The following TTC6 variants were observed in gnomAD, a reference collection of about 807,000 sequenced individuals.
The protein encoded by TTC6 is tetratricopeptide repeat protein 6.
TTC6 carries 172 observed loss-of-function variants against 210.4 expected under a neutral mutation model. The ratio of observed to expected loss-of-function variants is 0.82; its 90% CI spans 0.72 to 0.93. The LOEUF (loss-of-function observed/expected upper bound fraction) is 0.93, where lower values mean the gene tolerates loss of function less well. Among genes scored for constraint, TTC6 ranks in the 40% least tolerant of loss-of-function variants. TTC6 has a pLI of 0.00. For synonymous variants in TTC6, 804 were observed against 819.6 expected (o/e 0.98, Z 0.32); for missense variants, 2,414 against 2,318.1 (o/e 1.04, Z -0.85).
chr14:37,735,970 G>A (rs2095900466), exon 8 of TTC6: 1 of 1,534,418 alleles, frequency 6.5e-7, no homozygotes, highest in Admixed American at 2.0e-5. Context: ...TATAAAAGCA[G>A]TGTCATTACT....
intron 24 of TTC6, among the ~76,000 whole-genome samples, chr14:37,811,026 G>T (rs538271520): frequency 1.3e-5 from 2 of 152,184 alleles, no homozygotes; most frequent in South Asian, 4.1e-4. Context: ...AAATCAAGGG[G>T]CTAGTAATGA....
upstream of TTC6, among the ~76,000 whole-genome samples, chr14:37,617,381 T>C (rs933376865): frequency 2.6e-5 from 4 of 152,190 alleles, no homozygotes; most frequent in Non-Finnish European, 4.4e-5. Flanking sequence ...GGCTGAGCTT[T>C]TATAGTTATT....
At chr14:37,712,753 C>T (rs775888482) in intron 5 of TTC6, among the ~76,000 whole-genome samples, 19 of 152,150 alleles carry the variant, frequency 1.2e-4, no homozygotes, top group South Asian at 8.3e-4. Flanking sequence ...TAACCACTCC[C>T]GTAATTCAAT....
At chr14:37,682,507 C>T (rs540311544) in intron 2 of TTC6, among the ~76,000 whole-genome samples, 1 of 152,198 alleles carries the variant, frequency 6.6e-6, no homozygotes, top group East Asian at 1.9e-4. Flanking sequence ...CCATCTTTTA[C>T]CCTTAACAAC....
chr14:37,755,141 G>T (rs2095963705), intron 14 of TTC6, among the ~76,000 whole-genome samples: 2 of 151,500 alleles, frequency 1.3e-5, no homozygotes, highest in African/African-American at 4.8e-5. Context: ...GATTTGCATT[G>T]ATGATCTTTT....
intron 1 of TTC6, among the ~76,000 whole-genome samples, chr14:37,659,045 C>T (rs998880645): frequency 1.3e-5 from 2 of 152,082 alleles, no homozygotes; most frequent in Non-Finnish European, 1.5e-5. Context: ...TTTTCTGTTC[C>T]TGTATTCGTT....
exon 25 of TTC6, chr14:37,812,346 T>A: frequency 6.2e-7 from 1 of 1,613,434 alleles, no homozygotes; most frequent in Non-Finnish European, 8.5e-7. Flanking sequence ...TGCTGCTTCT[T>A]GATGCTACAG....
At chr14:37,637,939 G>A (rs1250051917) in intron 1 of TTC6, among the ~76,000 whole-genome samples, 2 of 152,186 alleles carry the variant, frequency 1.3e-5, no homozygotes, top group African/African-American at 2.4e-5. Flanking sequence ...TCTTAAAAAA[G>A]TAAGCATGCT....
chr14:37,807,258 TG>T, intron 22 of TTC6, 61 bp from the exon 25 acceptor site: 1 of 1,370,966 alleles, frequency 7.3e-7, no homozygotes, highest in Non-Finnish European at 9.7e-7. Flanking sequence ...GCATATATTT[TG>T]GTAGAATTGG....
chr14:37,751,036 T>G lies in TTC6; in HGVS notation c.2957-17T>G. 1 of 1,491,736 alleles carries G rather than the reference T, an allele frequency of 6.7e-7. No individual in the cohort carries two copies. 92.4% of individuals were successfully genotyped at this position (1,491,736 alleles called of 1,614,324 possible). On this transcript the variant is annotated splice_polypyrimidine_tract_variant and intron_variant, in intron 12 of 30. Coordinates refer to ENST00000553443, the Ensembl canonical transcript of TTC6. ...AAGGATTATAACTCCAAATTTTATC[T>G]TTTTAATTTTCTTTAGAGGCATATT...
intron 8 of TTC6, among the ~76,000 whole-genome samples, chr14:37,737,116 A>G (rs1218193831): frequency 6.6e-6 from 1 of 152,014 alleles, no homozygotes; most frequent in Non-Finnish European, 1.5e-5. Flanking sequence ...GGAACATAGC[A>G]TTTTCTTTGT....
At chr14:37,799,438 C>T (rs950330056) in intron 20 of TTC6, among the ~76,000 whole-genome samples, 8 of 152,236 alleles carry the variant, frequency 5.3e-5, no homozygotes, top group African/African-American at 1.9e-4. Context: ...CAATCTGGCT[C>T]CTTTCCTCTT....
chr14:37,753,063 T>A, intron 13 of TTC6, 36 bp from the exon 16 acceptor site: 1 of 1,469,386 alleles, frequency 6.8e-7, no homozygotes, highest in South Asian at 1.3e-5. Flanking sequence ...TTTTTTTCAT[T>A]TTGTGATGTT....
In TTC6 at chr14:37,605,746, G is replaced by T. The variant is rs141543504; in HGVS notation, c.-234-917G>T. 1.1e-3 allele frequency among the ~76,000 whole-genome samples: 168 copies of T among 152,262 alleles called. 1 individual carries two copies. Among genetic ancestry groups the T allele is most frequent in the African/African-American group, 3.9e-3 (160 of 41,548 alleles). The stretch of plus-strand genomic sequence containing the variant: ...GAACATCTAAGCAAAGCCCTTTGGA[G>T]GTGTAAAGTGTAAATGGAATGCTAA... On this transcript the variant is annotated intron_variant, in intron 1 of 2. Coordinates refer to the TTC6 transcript ENST00000556845.
intron 1 of TTC6, among the ~76,000 whole-genome samples, chr14:37,651,489 C>A (rs2095713037): frequency 1.7e-5 from 2 of 117,532 alleles, no homozygotes; most frequent in South Asian, 2.9e-4. Context: ...TTAATGAAAA[C>A]AATGAATTTT....
intron 16 of TTC6, 139 bp downstream of exon 18, chr14:37,790,976 A>G: frequency 2.8e-6 from 2 of 709,172 alleles, no homozygotes; most frequent in Admixed American, 3.4e-5. Context: ...TAGAATTAGA[A>G]TACTACTTCT....
At position 37,675,750 on chromosome 14, in the gene TTC6, C is replaced by CT. The variant is rs11295651; in HGVS notation, c.940-4387dup. ...TCAAGTCTTGTTATTTTCTTTCTTT[C>CT]TTTTTTTTTTTTTTATAGCCATCCT... On this transcript the variant is annotated intron_variant, in intron 1 of 30. Coordinates refer to ENST00000553443, the Ensembl canonical transcript of TTC6. Among the ~76,000 whole-genome samples the CT allele has an allele frequency of 9.9e-3, 1,409 of 142,656 alleles. 26 individuals are homozygous for CT. Among genetic ancestry groups the CT allele is most frequent in the East Asian group, 0.08 (382 of 4,784 alleles). The allele number at this position is 142,656 out of a possible 152,430, so 93.6% of individuals were successfully genotyped here. A position where few individuals can be genotyped will look rare whatever the true frequency, so the allele number is the denominator to read the frequency against.
chr14:37,657,212 CAAAAAAAAAAA>C (rs61052302), intron 1 of TTC6, among the ~76,000 whole-genome samples: 3 of 35,650 alleles, frequency 8.4e-5, no homozygotes, highest in African/African-American at 1.9e-4. Flanking sequence ...AACTCTGTCT[CAAAAAAAAAAA>C]AAAAAAAAAA....
chr14:37,632,409 C>T lies in TTC6; in HGVS notation c.939+9406C>T, dbSNP rs569029025. ...GGTCTGCTGGAGTTTGCTGGAGATC[C>T]GCTGCAGACTCAGTTTGCCTGGGTA... On this transcript the variant is annotated intron_variant, in intron 1 of 30. Coordinates refer to ENST00000553443, the Ensembl canonical transcript of TTC6. Among the ~76,000 whole-genome samples, 9 of 152,274 alleles carry T rather than the reference C, an allele frequency of 5.9e-5. No individual in the cohort carries two copies. In the South Asian group the frequency reaches 6.2e-4, roughly 11 times the overall value.
Sources: allele counts gnomAD v4.1 joint callset (sites outside exome capture counted in the v4.1 genomes callset), GRCh38; gene constraint gnomAD v4.1.1; transcripts MANE v1.5; gene names NCBI Gene and HGNC (gene_info 2026-07-23, HGNC 2026-07-21).